The following FBXL17 variants were observed in gnomAD, a reference collection of about 807,000 sequenced individuals.
The protein encoded by FBXL17 is F-box and leucine rich repeat protein 17.
Under a neutral mutation model 66.2 loss-of-function variants are expected in FBXL17, and 22 were observed. The ratio of observed to expected loss-of-function variants is 0.33; its 90% CI spans 0.24 to 0.47. The LOEUF (loss-of-function observed/expected upper bound fraction) is 0.47, where lower values mean the gene tolerates loss of function less well. Among genes scored for constraint, FBXL17 ranks in the 20% least tolerant of loss-of-function variants. FBXL17 has a pLI of 1.00. For synonymous variants in FBXL17, 474 were observed against 400.5 expected (o/e 1.18, Z -2.19); for missense variants, 878 against 948.2 (o/e 0.93, Z 0.97).
intron 6 of FBXL17, among the ~76,000 whole-genome samples, chr5:108,044,183 T>C (rs1747156075): frequency 6.6e-6 from 1 of 152,186 alleles, no homozygotes; most frequent in Non-Finnish European, 1.5e-5. Context: ...TTACTTTATC[T>C]GGCCAACTGC....
chr5:108,101,522 A>T (rs144648513), intron 6 of FBXL17, among the ~76,000 whole-genome samples: 27 of 152,348 alleles, frequency 1.8e-4, no homozygotes, highest in African/African-American at 6.3e-4. Flanking sequence ...GTCACTGGCA[A>T]TGTCTATTAA....
intron 6 of FBXL17, among the ~76,000 whole-genome samples, chr5:108,136,591 G>A (rs1445068377): frequency 6.6e-6 from 1 of 152,114 alleles, no homozygotes; most frequent in East Asian, 1.9e-4. Context: ...ACACAGTGTG[G>A]TACTTAGTGG....
At chr5:108,246,652 T>C (rs189713803) in intron 4 of FBXL17, among the ~76,000 whole-genome samples, 24 of 152,354 alleles carry the variant, frequency 1.6e-4, no homozygotes, top group Non-Finnish European at 2.8e-4. Context: ...AATAATCTCG[T>C]AAACAGAATT....
At chr5:107,872,440 T>C (rs898644773) in intron 8 of FBXL17, among the ~76,000 whole-genome samples, 20 of 152,240 alleles carry the variant, frequency 1.3e-4, no homozygotes, top group African/African-American at 4.6e-4. Flanking sequence ...GTTTTCAAAT[T>C]TACTTTTAGC....
rs1465382560 is a variant in FBXL17, at chr5:108,224,132, G to A, written c.1603C>T (p.His535Tyr). 1 of 1,596,242 alleles carries A rather than the reference G, an allele frequency of 6.3e-7. No homozygotes were observed. The highest frequency in any genetic ancestry group is 8.6e-7 in the Non-Finnish European group (1 of 1,165,504). ...GCSVTSKGVI[H>Y]LTKLRNLSSL... ...GCCATAGTACCTACCTTGGTTAGGT[G>A]AATGACTCCTTTAGAAGTGACTGAA... The change falls in exon 5 of 9, where the codon CAC (histidine) becomes TAC (tyrosine). Residue 535 changes from histidine to tyrosine, a missense_variant. Coordinates refer to ENST00000542267, the MANE Select transcript of FBXL17 (RefSeq NM_001163315.3).
intron 5 of FBXL17, among the ~76,000 whole-genome samples, chr5:108,214,184 G>A (rs1169236860): frequency 6.6e-6 from 1 of 152,032 alleles, no homozygotes; most frequent in Non-Finnish European, 1.5e-5. Flanking sequence ...TTTATCATAG[G>A]TATGAATGGC....
At chr5:108,286,601 C>T (rs1386244947) in intron 4 of FBXL17, among the ~76,000 whole-genome samples, 1 of 151,924 alleles carries the variant, frequency 6.6e-6, no homozygotes, top group Non-Finnish European at 1.5e-5. Flanking sequence ...TGAAGGATCT[C>T]TACAGTAAGA....
At chr5:108,192,607 C>T (rs562955584) in intron 5 of FBXL17, among the ~76,000 whole-genome samples, 44 of 152,144 alleles carry the variant, frequency 2.9e-4, no homozygotes, top group South Asian at 1.7e-3. Context: ...GCCTGACCAA[C>T]GTGGTGAAAC....
At chr5:108,016,993 G>C (rs1051107514) in intron 7 of FBXL17, among the ~76,000 whole-genome samples, 12 of 151,934 alleles carry the variant, frequency 7.9e-5, no homozygotes, top group Non-Finnish European at 1.6e-4. Flanking sequence ...TGGTCAGGCC[G>C]GTCTCAAACT....
chr5:108,154,702 CAT>C (rs1014708402), intron 6 of FBXL17, among the ~76,000 whole-genome samples: 14 of 132,834 alleles, frequency 1.1e-4, no homozygotes, highest in Non-Finnish European at 2.2e-4. Flanking sequence ...TATGTATATA[CAT>C]ATATATGTGT....
At chr5:107,999,383 A>T (rs1212220172) in intron 7 of FBXL17, among the ~76,000 whole-genome samples, 1 of 151,740 alleles carries the variant, frequency 6.6e-6, no homozygotes, top group Non-Finnish European at 1.5e-5. Context: ...TTGGACCTAT[A>T]TCACTGCCGT....
chr5:108,118,003 G>A (rs1189355429), intron 6 of FBXL17, among the ~76,000 whole-genome samples: 1 of 152,104 alleles, frequency 6.6e-6, no homozygotes. Flanking sequence ...GAGGGAGGTT[G>A]AAGTTTCCAT....
intron 6 of FBXL17, 111 bp downstream of exon 6, chr5:108,186,006 A>G: frequency 1.2e-6 from 1 of 801,166 alleles, no homozygotes; most frequent in Non-Finnish European, 1.9e-6. Context: ...TAACAATTTG[A>G]AAAGGCACAG....
Position 108,134,816 on chromosome 5 carries a change from T to C in FBXL17, c.1745+51301A>G, listed in dbSNP as rs986199289. On this transcript the variant is annotated intron_variant, in intron 6 of 8. Transcript: ENST00000542267. ...AGGTTGGCAGCTTCTTCTGCAGAAATCCTCAGATGAAGATGCTTTGTCCCC... is the reference window on the plus strand; with the variant it reads ...AGGTTGGCAGCTTCTTCTGCAGAAACCCTCAGATGAAGATGCTTTGTCCCC... 2.0e-5 allele frequency among the ~76,000 whole-genome samples: 3 copies of C among 152,190 alleles called. No individual in the cohort carries two copies. In the South Asian group the frequency reaches 6.2e-4, roughly 31 times the overall value.
At chr5:108,321,131 G>T (rs558623376) in intron 4 of FBXL17, among the ~76,000 whole-genome samples, 2 of 151,606 alleles carry the variant, frequency 1.3e-5, no homozygotes, top group African/African-American at 4.8e-5. Context: ...GCTGATGCTC[G>T]TAAGAAATTA....
intron 1 of FBXL17, among the ~76,000 whole-genome samples, chr5:108,378,236 T>C (rs1041450091): frequency 2.7e-5 from 4 of 150,730 alleles, no homozygotes; most frequent in Non-Finnish European, 5.9e-5. Flanking sequence ...AAAAAAAAAA[T>C]GGGCAAGTAT....
intron 7 of FBXL17, among the ~76,000 whole-genome samples, chr5:107,980,662 A>ATTTTTTTTTTTTTTTTTTTTT (rs1428679219): frequency 1.7e-4 from 11 of 65,804 alleles, no homozygotes; most frequent in African/African-American, 9.3e-4. Flanking sequence ...ATATATATAT[A>ATTTTTTTTTTTTTTTTTTTTT]TATTTTTTTT....
chr5:107,946,252 A>ATTTT lies in FBXL17; in HGVS notation c.1823-65077_1823-65074dup, dbSNP rs201604465. Among the ~76,000 whole-genome samples the ATTTT allele has an allele frequency of 3.1e-3, 174 of 56,870 alleles. 3 individuals carry two copies. Among genetic ancestry groups the ATTTT allele is most frequent in the Non-Finnish European group, 4.6e-3 (137 of 29,500 alleles). 37.3% of individuals were successfully genotyped at this position (56,870 alleles called of 152,430 possible). A position where few individuals can be genotyped will look rare whatever the true frequency, so the allele number is the denominator to read the frequency against. On this transcript the variant is annotated intron_variant, in intron 7 of 8. Transcript: ENST00000542267. ...TAGTATTATTACTTTTATCAATCTC[A>ATTTT]TTTTATATATATATATATATATATA...
intron 6 of FBXL17, among the ~76,000 whole-genome samples, chr5:108,070,796 C>A (rs1395659271): frequency 2.0e-5 from 3 of 152,144 alleles, no homozygotes; most frequent in Non-Finnish European, 4.4e-5. Flanking sequence ...TGCAGCAGAG[C>A]ATAAAGGCCC....
Sources: allele counts gnomAD v4.1 joint callset (sites outside exome capture counted in the v4.1 genomes callset), GRCh38; gene constraint gnomAD v4.1.1; transcripts MANE v1.5; gene names NCBI Gene and HGNC (gene_info 2026-07-23, HGNC 2026-07-21).